Variants in WWC2 observed in about 807,000 individuals in gnomAD.
The protein encoded by WWC2 is WW and C2 domain containing 2.
A neutral mutation model predicts 138.5 loss-of-function variants in WWC2; 101 were observed. That is an observed-to-expected ratio of 0.73 (90% CI 0.62 to 0.86). The LOEUF (loss-of-function observed/expected upper bound fraction) is 0.86, where lower values mean the gene tolerates loss of function less well. Among genes scored for constraint, WWC2 ranks in the 40% least tolerant of loss-of-function variants. The pLI, the probability that WWC2 is intolerant of heterozygous loss-of-function variation, is 0.00. For synonymous variants in WWC2, 558 were observed against 538.4 expected (o/e 1.04, Z -0.50); for missense variants, 1,420 against 1,419.4 (o/e 1.00, Z -0.01).
intron 1 of WWC2, among the ~76,000 whole-genome samples, chr4:183,154,774 G>A (rs1733747641): frequency 6.6e-6 from 1 of 152,162 alleles, no homozygotes; most frequent in Admixed American, 6.5e-5. Flanking sequence ...TGGCGCCTAG[G>A]AGGATAGTAG....
chr4:183,201,802 C>A (rs1462212028), intron 2 of WWC2, among the ~76,000 whole-genome samples: 1 of 152,170 alleles, frequency 6.6e-6, no homozygotes, highest in Non-Finnish European at 1.5e-5. Context: ...TATTTCTATT[C>A]TAATCTATCA....
At chr4:183,238,643 C>T (rs1226488003) in intron 4 of WWC2, among the ~76,000 whole-genome samples, 1 of 152,134 alleles carries the variant, frequency 6.6e-6, no homozygotes, top group Non-Finnish European at 1.5e-5. Flanking sequence ...TTTGCACAAG[C>T]TCTTCCTGTT....
chr4:183,159,729 TA>T lies in WWC2; in HGVS notation c.132-33858del, dbSNP rs1162694124. ...TGAACTTACCTTTTTTTTTTTTTTTTAAAAAAAAAAAATTGTTTACAATACA... is the reference window on the plus strand; with the variant it reads ...TGAACTTACCTTTTTTTTTTTTTTTTAAAAAAAAAAATTGTTTACAATACA... On this transcript the variant is annotated intron_variant, in intron 1 of 22. Coordinates refer to ENST00000403733, the MANE Select transcript of WWC2 (RefSeq NM_024949.6). 1.3e-3 allele frequency among the ~76,000 whole-genome samples: 95 copies of T among 74,412 alleles called. 2 individuals carry two copies. Among genetic ancestry groups the T allele is most frequent in the African/African-American group, 2.1e-3 (47 of 21,862 alleles). 48.8% of individuals were successfully genotyped at this position (74,412 alleles called of 152,430 possible).
intron 4 of WWC2, among the ~76,000 whole-genome samples, 195 bp downstream of exon 4, chr4:183,209,220 G>A (rs2111242120): frequency 6.6e-6 from 1 of 152,198 alleles, no homozygotes; most frequent in African/African-American, 2.4e-5. Context: ...GAGACAATGT[G>A]TTCCACTATT....
intron 16 of WWC2, among the ~76,000 whole-genome samples, chr4:183,278,362 G>C (rs1324128321): frequency 3.3e-5 from 5 of 152,142 alleles, no homozygotes; most frequent in East Asian, 3.9e-4. Flanking sequence ...CCAGTACCAT[G>C]CTGTTTTGTT....
At chr4:183,310,659 C>T (rs972388832) in intron 21 of WWC2, among the ~76,000 whole-genome samples, 6 of 135,992 alleles carry the variant, frequency 4.4e-5, no homozygotes, top group African/African-American at 1.6e-4. Context: ...TGCCACCACA[C>T]CTAGCTAATT....
At chr4:183,187,655 G>A (rs1430627771) in intron 1 of WWC2, among the ~76,000 whole-genome samples, 1 of 151,358 alleles carries the variant, frequency 6.6e-6, no homozygotes, top group Non-Finnish European at 1.5e-5. Flanking sequence ...TAGATCACCT[G>A]AGGTCAGGAG....
chr4:183,183,142 T>C (rs1734686490), intron 1 of WWC2, among the ~76,000 whole-genome samples: 1 of 152,200 alleles, frequency 6.6e-6, no homozygotes, highest in Non-Finnish European at 1.5e-5. Context: ...AGAATAGTAT[T>C]TCTAGGTTAA....
intron 1 of WWC2, among the ~76,000 whole-genome samples, chr4:183,159,376 A>G (rs1448457186): frequency 1.3e-5 from 2 of 152,048 alleles, no homozygotes; most frequent in African/African-American, 4.8e-5. Context: ...TACTGCTGCT[A>G]CTCAGATTCT....
At chr4:183,235,670 C>G (rs1488146670) in intron 4 of WWC2, among the ~76,000 whole-genome samples, 2 of 152,170 alleles carry the variant, frequency 1.3e-5, no homozygotes, top group Admixed American at 6.5e-5. Context: ...GCCTTTCCTT[C>G]TTTTAAAGGC....
At chr4:183,156,153 A>C (rs769347968) in intron 1 of WWC2, among the ~76,000 whole-genome samples, 5 of 151,646 alleles carry the variant, frequency 3.3e-5, no homozygotes, top group Non-Finnish European at 5.9e-5. Context: ...CAGCCTCTTG[A>C]GTAGCTCGGA....
intron 21 of WWC2, among the ~76,000 whole-genome samples, chr4:183,296,678 A>G (rs1230242258): frequency 6.6e-6 from 1 of 152,114 alleles, no homozygotes; most frequent in Non-Finnish European, 1.5e-5. Context: ...TCACGCCTGT[A>G]ATCCCAGCAC....
At chr4:183,128,056 A>AG (rs1291515532) in intron 1 of WWC2, among the ~76,000 whole-genome samples, 1 of 151,870 alleles carries the variant, frequency 6.6e-6, no homozygotes, top group East Asian at 1.9e-4. Context: ...AAAAAAAAAA[A>AG]AAGGCCAGGT....
chr4:183,319,426 G>T lies in WWC2; in HGVS notation c.*3697G>T. 1 of 1,028,402 alleles carries T rather than the reference G, an allele frequency of 9.7e-7. No homozygotes were observed. The highest frequency in any genetic ancestry group is 1.4e-6 in the Non-Finnish European group (1 of 700,698). 63.7% of individuals were successfully genotyped at this position (1,028,402 alleles called of 1,614,324 possible). A position where few individuals can be genotyped will look rare whatever the true frequency, so the allele number is the denominator to read the frequency against. The stretch of plus-strand genomic sequence containing the variant: ...TTACCAGTCTTGGAAAGAAACTATA[G>T]TTTAATAGCCACAGGAAAAGATGCA... On this transcript the variant is annotated 3_prime_UTR_variant, in exon 23 of 23. Transcript: ENST00000403733.
At chr4:183,121,525 A>G (rs774887768) in intron 1 of WWC2, among the ~76,000 whole-genome samples, 6 of 152,120 alleles carry the variant, frequency 3.9e-5, no homozygotes, top group Admixed American at 6.6e-5. Flanking sequence ...AGGGATACTC[A>G]ATCTAATAGA....
rs1332526925 is a variant in WWC2 at position 183,320,696 on chromosome 4, T to C, written c.*4967T>C. On this transcript the variant is annotated 3_prime_UTR_variant, in exon 23 of 23. Coordinates refer to ENST00000403733, the MANE Select transcript of WWC2 (RefSeq NM_024949.6). ...AGTTCTCACATTTCAAATGTGCATG[T>C]TATGGTAATACTGAGTGTTATTTTT... 1 of 182,284 alleles carries C rather than the reference T, an allele frequency of 5.5e-6. No homozygotes were observed. The highest frequency in any genetic ancestry group is 5.4e-5 in the Admixed American group (1 of 18,406). 11.3% of individuals were successfully genotyped at this position (182,284 alleles called of 1,614,324 possible). A position where few individuals can be genotyped will look rare whatever the true frequency, so the allele number is the denominator to read the frequency against.
intron 16 of WWC2, among the ~76,000 whole-genome samples, chr4:183,278,076 G>T (rs1737921875): frequency 6.6e-6 from 1 of 152,048 alleles, no homozygotes; most frequent in African/African-American, 2.4e-5. Context: ...GAATGGTAAT[G>T]CCTAGGTTTT....
chr4:183,106,162 T>G (rs1215419793), intron 1 of WWC2, among the ~76,000 whole-genome samples: 4 of 152,000 alleles, frequency 2.6e-5, no homozygotes, highest in Non-Finnish European at 5.9e-5. Flanking sequence ...TTTTGTATTT[T>G]TAATAGAGAT....
intron 2 of WWC2, among the ~76,000 whole-genome samples, chr4:183,198,810 A>AAAG (rs1176475970): frequency 1.3e-5 from 2 of 150,782 alleles, no homozygotes; most frequent in African/African-American, 4.9e-5. Context: ...AAAAAAAAAA[A>AAAG]AAAAAGGTTC....
Sources: allele counts gnomAD v4.1 joint callset (sites outside exome capture counted in the v4.1 genomes callset), GRCh38; gene constraint gnomAD v4.1.1; transcripts MANE v1.5; gene names NCBI Gene and HGNC (gene_info 2026-07-23, HGNC 2026-07-21).